Variants in NAA11 observed in about 807,000 individuals in gnomAD.
NAA11 encodes N-alpha-acetyltransferase 11, NatA catalytic subunit, also known as N-alpha-acetyltransferase 11.
In NAA11, 15 loss-of-function variants were observed where a neutral mutation model predicts 16.1. The ratio of observed to expected loss-of-function variants is 0.93; its 90% CI spans 0.62 to 1.44. NAA11 has a LOEUF of 1.44. Among genes scored for constraint, NAA11 ranks in the 40% most tolerant of loss-of-function variants. NAA11 has a pLI of 0.00. For synonymous variants in NAA11, 122 were observed against 112.4 expected, an observed-to-expected ratio of 1.09 and a Z score of -0.54; for missense variants, 298 against 291.3, an observed-to-expected ratio of 1.02 and a Z score of -0.17.
At chr4:79,208,232 A>G in the NAA11 span, among the ~76,000 whole-genome samples, 37 of 152,262 alleles carry the variant, frequency 2.4e-4, no homozygotes, top group African/African-American at 8.4e-4. Context: ...CATTTCCAGA[A>G]AGGCATTTAA....
At chr4:79,207,217 T>A in the NAA11 span, among the ~76,000 whole-genome samples, 1 of 151,992 alleles carries the variant, frequency 6.6e-6, no homozygotes, top group Non-Finnish European at 1.5e-5. Flanking sequence ...TTGCTCTGGC[T>A]AGGACTTTCA....
At chr4:79,261,887 A>G (rs1722249891) in intron 2 of NAA11, among the ~76,000 whole-genome samples, 1 of 152,236 alleles carries the variant, frequency 6.6e-6, no homozygotes, top group Non-Finnish European at 1.5e-5. Flanking sequence ...AAATGTTAGC[A>G]CATAAAAATA....
the NAA11 span, among the ~76,000 whole-genome samples, chr4:79,208,010 T>C: frequency 6.6e-6 from 1 of 152,146 alleles, no homozygotes; most frequent in African/African-American, 2.4e-5. Context: ...AATTATGATA[T>C]GTAAGCATGG....
the NAA11 span, among the ~76,000 whole-genome samples, chr4:79,203,575 A>T: frequency 6.6e-6 from 1 of 151,680 alleles, no homozygotes; most frequent in African/African-American, 2.4e-5. Context: ...GGAGAAGCAC[A>T]CTGTTTCTGA....
downstream of NAA11, among the ~76,000 whole-genome samples, chr4:79,311,896 A>G (rs773591873): frequency 7.9e-5 from 12 of 152,248 alleles, no homozygotes; most frequent in South Asian, 2.1e-4. Context: ...CTACACAGAC[A>G]TGAGTAATTT....
At chr4:79,174,149 C>T in the NAA11 span, among the ~76,000 whole-genome samples, 1 of 152,042 alleles carries the variant, frequency 6.6e-6, no homozygotes, top group African/African-American at 2.4e-5. Context: ...GTGGGAACCT[C>T]TGATAATCAC....
chr4:79,308,785 A>T (rs1723667599), intron 1 of NAA11: 1 of 152,290 alleles, frequency 6.6e-6, no homozygotes, highest in South Asian at 2.1e-4. Flanking sequence ...ACTAAAAAAA[A>T]AGCTTCAAAA....
intron 2 of NAA11, among the ~76,000 whole-genome samples, chr4:79,284,083 GCA>G (rs1339582044): frequency 1.3e-5 from 2 of 152,058 alleles, no homozygotes; most frequent in African/African-American, 4.8e-5. Flanking sequence ...CTTTATAAAT[GCA>G]ATGCTTTGTC....
chr4:79,268,400 A>G (rs756532012), intron 2 of NAA11, among the ~76,000 whole-genome samples: 23 of 152,164 alleles, frequency 1.5e-4, no homozygotes, highest in South Asian at 4.1e-4. Flanking sequence ...CGAGAGGTCA[A>G]TGTTGACTTG....
At chr4:79,244,966 T>A (rs1721777457) in intron 2 of NAA11, 1 of 168,000 alleles carries the variant, frequency 6.0e-6, no homozygotes, top group African/African-American at 2.4e-5. Context: ...TGGCGTGATC[T>A]CGGCTCGCTA....
At chr4:79,235,079 T>C (rs374034183) in intron 2 of NAA11, among the ~76,000 whole-genome samples, 20 of 152,124 alleles carry the variant, frequency 1.3e-4, no homozygotes, top group African/African-American at 4.8e-4. Context: ...GCTGATCTTT[T>C]TCATTTAACA....
downstream of NAA11, among the ~76,000 whole-genome samples, chr4:79,220,805 T>C (rs113372635): frequency 1.3e-5 from 2 of 152,140 alleles, no homozygotes; most frequent in Non-Finnish European, 2.9e-5. Context: ...AGTCAGGTAG[T>C]GTGATGCCTC....
At chr4:79,224,793 A>G (rs1375348016), downstream of NAA11, among the ~76,000 whole-genome samples, 1 of 152,136 alleles carries the variant, frequency 6.6e-6, no homozygotes, top group Admixed American at 6.6e-5. Flanking sequence ...ACAGTGATCA[A>G]TCATGTTGCT....
the NAA11 span, among the ~76,000 whole-genome samples, chr4:79,164,700 G>C: frequency 6.6e-6 from 1 of 152,160 alleles, no homozygotes. Context: ...AGGTGAAGTG[G>C]TTTCAGATCA....
intron 2 of NAA11, among the ~76,000 whole-genome samples, chr4:79,234,215 A>G (rs1374424917): frequency 5.3e-5 from 8 of 152,094 alleles, no homozygotes; most frequent in Admixed American, 5.2e-4. Flanking sequence ...TGCTGTAGAA[A>G]ATTGGGGCTT....
At chr4:79,172,461 C>G in the NAA11 span, among the ~76,000 whole-genome samples, 2 of 152,094 alleles carry the variant, frequency 1.3e-5, no homozygotes, top group South Asian at 4.1e-4. Flanking sequence ...TAAACACTTC[C>G]CTACAGATGC....
chr4:79,230,865 A>C (rs1325726920), intron 2 of NAA11, among the ~76,000 whole-genome samples: 1 of 151,836 alleles, frequency 6.6e-6, no homozygotes, highest in Non-Finnish European at 1.5e-5. Context: ...CCATAGTTCT[A>C]CTCTCCCATT....
chr4:79,236,106 A>G (rs954943092), intron 2 of NAA11, among the ~76,000 whole-genome samples: 4 of 152,162 alleles, frequency 2.6e-5, no homozygotes, highest in African/African-American at 9.6e-5. Flanking sequence ...TTTATAACCT[A>G]CTTATAACTA....
intron 1 of NAA11, chr4:79,299,667 G>A (rs1207801094): frequency 1.3e-5 from 2 of 151,700 alleles, no homozygotes; most frequent in Admixed American, 6.6e-5. Context: ...AAAAACTGTT[G>A]GATAGAGCTG....
Sources: gnomAD v4.1 joint callset for allele counts (sites outside exome capture counted in the v4.1 genomes callset) on GRCh38, gnomAD v4.1.1 for gene constraint, MANE v1.5 for transcripts, NCBI Gene and HGNC (gene_info 2026-07-23, HGNC 2026-07-21) for gene names.